Variants in RPS6KC1 observed in about 807,000 individuals in gnomAD.
RPS6KC1 encodes inactive ribosomal protein S6 kinase delta-1.
Under a neutral mutation model 103.8 loss-of-function variants are expected in RPS6KC1, and 54 were observed. The observed-to-expected ratio is 0.52, with a 90% CI of 0.42 to 0.65. The LOEUF is 0.65. Ranked by LOEUF, RPS6KC1 falls within the 30% of genes least tolerant of loss-of-function variation. RPS6KC1 has a pLI of 0.00. For synonymous variants in RPS6KC1, 439 were observed against 438.7 expected, an observed-to-expected ratio of 1.00 and a Z score of -0.01; for missense variants, 1,151 against 1,253.8, an observed-to-expected ratio of 0.92 and a Z score of 1.24.
Position 213,273,610 on chromosome 1 carries a change from C to A in RPS6KC1, c.*976C>A, listed in dbSNP as rs61832501. ...CTTTTTGGCTTGGTATACTAAGAAGCAAAGGATCTCATCTAAATGGAATTG... is the reference window on the plus strand; with the variant it reads ...CTTTTTGGCTTGGTATACTAAGAAGAAAAGGATCTCATCTAAATGGAATTG... On this transcript the variant is annotated 3_prime_UTR_variant, in exon 15 of 15. Transcript: ENST00000366960. 5,078 of 152,584 alleles carry A rather than the reference C, an allele frequency of 0.033. 112 individuals are homozygous for A. Among genetic ancestry groups the A allele is most frequent in the Middle Eastern group, 0.054 (16 of 294 alleles). The allele number at this position is 152,584 out of a possible 1,614,324, so 9.5% of individuals were successfully genotyped here. A position where few individuals can be genotyped will look rare whatever the true frequency, so the allele number is the denominator to read the frequency against.
chr1:213,558,908 C>T, the RPS6KC1 span, among the ~76,000 whole-genome samples: 3 of 152,204 alleles, frequency 2.0e-5, no homozygotes, highest in Admixed American at 2.0e-4. Flanking sequence ...TTAGACAATG[C>T]AATAGCTCCA....
the RPS6KC1 span, among the ~76,000 whole-genome samples, chr1:213,861,872 CTCA>C: frequency 5.9e-5 from 9 of 152,266 alleles, no homozygotes; most frequent in South Asian, 1.9e-3. Flanking sequence ...AAGCTGGCAC[CTCA>C]TCCATTCCCT....
the RPS6KC1 span, among the ~76,000 whole-genome samples, chr1:213,553,550 T>G: frequency 6.6e-6 from 1 of 152,334 alleles, no homozygotes; most frequent in African/African-American, 2.4e-5. Context: ...GATCAAATAG[T>G]ACTTCTATTT....
chr1:213,657,630 A>G, the RPS6KC1 span, among the ~76,000 whole-genome samples: 1 of 152,230 alleles, frequency 6.6e-6, no homozygotes, highest in Non-Finnish European at 1.5e-5. Context: ...AGAGAATTCA[A>G]TTCCAGGCAG....
chr1:213,129,610 C>A lies in RPS6KC1; in HGVS notation c.556C>A (p.Gln186Lys), dbSNP rs1350222944. 2 of 1,613,842 alleles carry A rather than the reference C, an allele frequency of 1.2e-6. No individual in the cohort carries two copies. Among genetic ancestry groups the A allele is most frequent in the Non-Finnish European group, 1.7e-6 (2 of 1,179,928 alleles). ...GTTAGATGATGGAATGGCTTCCAAT[C>A]AAAATTCTCCCATTAGAACTTTTGG... is the stretch of plus-strand genomic sequence containing the variant. ...AELDDGMASN[Q>K]NSPIRTFGLN... The change falls in exon 6 of 15, where the codon CAA (glutamine) becomes AAA (lysine). Residue 186 changes from glutamine (Q) to lysine (K), a missense_variant. Gln to Lys is a moderately conservative substitution (Grantham distance 53, BLOSUM62 1). This residue lies in a region of RPS6KC1 where 959 missense variants were observed against 1,006.3 expected (regional missense o/e 0.95). Transcript: ENST00000366960.
At chr1:213,852,126 C>T in the RPS6KC1 span, among the ~76,000 whole-genome samples, 6 of 151,974 alleles carry the variant, frequency 3.9e-5, no homozygotes, top group Non-Finnish European at 8.8e-5. Context: ...TAATCATCAA[C>T]GGAGACCTTC....
chr1:213,707,599 A>G, the RPS6KC1 span, among the ~76,000 whole-genome samples: 2 of 152,278 alleles, frequency 1.3e-5, no homozygotes, highest in South Asian at 4.2e-4. Flanking sequence ...TTGGTGTTTT[A>G]GTCATGAAGT....
At chr1:213,747,252 G>A in the RPS6KC1 span, among the ~76,000 whole-genome samples, 4 of 152,154 alleles carry the variant, frequency 2.6e-5, no homozygotes, top group African/African-American at 9.7e-5. Context: ...CAGTCAACTG[G>A]TTCAAGTGCT....
At chr1:213,275,215 C>T (rs2095109880), downstream of RPS6KC1, among the ~76,000 whole-genome samples, 1 of 152,180 alleles carries the variant, frequency 6.6e-6, no homozygotes, top group African/African-American at 2.4e-5. Flanking sequence ...TGTCAGTAGA[C>T]ATTTGGATTG....
chr1:213,537,074 C>A, the RPS6KC1 span, among the ~76,000 whole-genome samples: 1 of 152,138 alleles, frequency 6.6e-6, no homozygotes, highest in Admixed American at 6.5e-5. Flanking sequence ...AAAGAGCATG[C>A]AATTTATATA....
chr1:213,143,413 C>T (rs1007091941), intron 6 of RPS6KC1, among the ~76,000 whole-genome samples: 4 of 151,460 alleles, frequency 2.6e-5, no homozygotes, highest in Non-Finnish European at 5.9e-5. Context: ...AAAGAATTAA[C>T]TTTTAACTTT....
the RPS6KC1 span, among the ~76,000 whole-genome samples, chr1:213,347,439 T>G: frequency 6.6e-6 from 1 of 152,186 alleles, no homozygotes; most frequent in Non-Finnish European, 1.5e-5. Flanking sequence ...CACAGTGGCT[T>G]ATGCCTGAAA....
At chr1:213,790,173 G>A in the RPS6KC1 span, among the ~76,000 whole-genome samples, 1 of 152,130 alleles carries the variant, frequency 6.6e-6, no homozygotes, top group African/African-American at 2.4e-5. Flanking sequence ...GTGGATAATG[G>A]GTGGAGGTAG....
At chr1:213,110,332 C>G (rs1049581125) in intron 4 of RPS6KC1, among the ~76,000 whole-genome samples, 6 of 151,962 alleles carry the variant, frequency 3.9e-5, no homozygotes, top group African/African-American at 1.5e-4. Context: ...CGATAGAACT[C>G]TAAGTTCTGA....
chr1:213,416,712 T>C, the RPS6KC1 span, among the ~76,000 whole-genome samples: 2 of 152,164 alleles, frequency 1.3e-5, no homozygotes, highest in East Asian at 3.9e-4. Flanking sequence ...TGGGGTCTGC[T>C]ATGCTGGGCG....
At chr1:213,758,160 AT>A in the RPS6KC1 span, among the ~76,000 whole-genome samples, 1 of 152,216 alleles carries the variant, frequency 6.6e-6, no homozygotes, top group African/African-American at 2.4e-5. Context: ...TTCAAGTCTT[AT>A]TATTTAAGAA....
At chr1:213,690,245 C>G in the RPS6KC1 span, among the ~76,000 whole-genome samples, 1 of 152,300 alleles carries the variant, frequency 6.6e-6, no homozygotes, top group African/African-American at 2.4e-5. Context: ...CCACTGTGCT[C>G]AGAACAATGC....
At chr1:213,151,977 G>A (rs1450637842) in intron 6 of RPS6KC1, among the ~76,000 whole-genome samples, 1 of 116,190 alleles carries the variant, frequency 8.6e-6, no homozygotes, top group Non-Finnish European at 1.8e-5. Flanking sequence ...GGGCAGAGGG[G>A]CTCCTCACTT....
the RPS6KC1 span, among the ~76,000 whole-genome samples, chr1:213,376,299 C>G: frequency 5.9e-5 from 9 of 152,012 alleles, no homozygotes; most frequent in Non-Finnish European, 8.8e-5. Context: ...TCCCTAGTCC[C>G]TAAAATCTTT....
Sources: allele counts gnomAD v4.1 joint callset (sites outside exome capture counted in the v4.1 genomes callset), GRCh38; gene constraint gnomAD v4.1.1; regional missense constraint gnomAD v4.1.1; transcripts MANE v1.5; gene names NCBI Gene and HGNC (gene_info 2026-07-23, HGNC 2026-07-21).